Variants in TCF4 observed in about 807,000 individuals in gnomAD.
TCF4 encodes SL3-3 enhancer factor 2.
A neutral mutation model predicts 82.1 loss-of-function variants in TCF4; 3 were observed. The ratio of observed to expected loss-of-function variants is 0.04; its 90% CI spans 0.02 to 0.09. TCF4 has a LOEUF of 0.09. TCF4 is among the 10% of genes least tolerant of loss of function. TCF4 has a pLI of 1.00. For missense variants in TCF4, 518 were observed against 852.7 expected, an observed-to-expected ratio of 0.61 and a Z score of 4.89; for synonymous variants, 276 against 309.6, an observed-to-expected ratio of 0.89 and a Z score of 1.14.
At chr18:55,471,438 C>T (rs1360204745) in intron 3 of TCF4, among the ~76,000 whole-genome samples, 3 of 152,160 alleles carry the variant, frequency 2.0e-5, no homozygotes, top group Admixed American at 6.5e-5. Context: ...CGATGGCTCA[C>T]GCCTATAATC....
intron 8 of TCF4, among the ~76,000 whole-genome samples, chr18:55,307,576 G>A (rs752303264): frequency 4.6e-5 from 7 of 152,032 alleles, no homozygotes; most frequent in South Asian, 2.1e-4. Flanking sequence ...TCATTCTGCC[G>A]GTACTCATTA....
intron 6 of TCF4, among the ~76,000 whole-genome samples, chr18:55,384,618 C>A (rs1287681549): frequency 6.6e-6 from 1 of 152,124 alleles, no homozygotes; most frequent in Non-Finnish European, 1.5e-5. Context: ...AGAAGACAAC[C>A]CATTAGATGC....
chr18:55,435,618 T>C (rs2095312796), intron 5 of TCF4, among the ~76,000 whole-genome samples: 1 of 152,208 alleles, frequency 6.6e-6, no homozygotes, highest in Admixed American at 6.5e-5. Context: ...ATGTAGAGCC[T>C]ACTCCTCATA....
At chr18:55,467,729 G>C (rs1157326828) in intron 3 of TCF4, among the ~76,000 whole-genome samples, 1 of 152,132 alleles carries the variant, frequency 6.6e-6, no homozygotes, top group Non-Finnish European at 1.5e-5. Flanking sequence ...CCTTACTCCT[G>C]CTAGGGTACC....
intron 6 of TCF4, among the ~76,000 whole-genome samples, chr18:55,372,075 T>C (rs2089389552): frequency 6.6e-6 from 1 of 152,014 alleles, no homozygotes; most frequent in Non-Finnish European, 1.5e-5. Context: ...TATAAAGGGG[T>C]TGGCTTGGGA....
intron 6 of TCF4, among the ~76,000 whole-genome samples, chr18:55,380,039 C>T (rs1325846839): frequency 6.6e-6 from 1 of 152,036 alleles, no homozygotes; most frequent in Non-Finnish European, 1.5e-5. Flanking sequence ...CCACATCTGG[C>T]TAATTTTGTT....
At chr18:55,392,319 G>A (rs2093185153) in intron 6 of TCF4, among the ~76,000 whole-genome samples, 2 of 151,764 alleles carry the variant, frequency 1.3e-5, no homozygotes, top group Non-Finnish European at 2.9e-5. Flanking sequence ...CTGACTGGTT[G>A]TCAATACTGC....
intron 14 of TCF4, among the ~76,000 whole-genome samples, chr18:55,256,178 C>G (rs1017741907): frequency 6.6e-6 from 1 of 152,132 alleles, no homozygotes; most frequent in Non-Finnish European, 1.5e-5. Context: ...TCACAGCTTC[C>G]TGGTAGAGAC....
Position 55,224,019 on chromosome 18 carries a change from A to G in TCF4, c.*4016T>C, listed in dbSNP as rs1399226525. 6.6e-6 allele frequency: 1 copy of G among 151,438 alleles called. No homozygotes were observed. The highest frequency in any genetic ancestry group is 1.5e-5 in the Non-Finnish European group (1 of 67,874). 9.4% of individuals were successfully genotyped at this position (151,438 alleles called of 1,614,324 possible). A position where few individuals can be genotyped will look rare whatever the true frequency, so the allele number is the denominator to read the frequency against. ...TATAAAAGGATTGCTCCTGCGAAAA[A>G]TAAGCCAAATATATTTTTTATTTTT... is the stretch of plus-strand genomic sequence containing the variant. On this transcript the variant is annotated 3_prime_UTR_variant, in exon 20 of 20. Coordinates refer to ENST00000354452, the MANE Select transcript of TCF4 (RefSeq NM_001083962.2).
chr18:55,621,859 ATT>A (rs2097720787), intron 2 of TCF4, among the ~76,000 whole-genome samples: 1 of 104,590 alleles, frequency 9.6e-6, no homozygotes, highest in South Asian at 2.7e-4. Context: ...TATGTATTAT[ATT>A]ATATATACAC....
At chr18:55,386,534 T>C (rs1410934324) in intron 6 of TCF4, among the ~76,000 whole-genome samples, 1 of 152,222 alleles carries the variant, frequency 6.6e-6, no homozygotes, top group African/African-American at 2.4e-5. Context: ...TCTCATCAAG[T>C]ACTAGTTTAT....
intron 6 of TCF4, among the ~76,000 whole-genome samples, chr18:55,389,438 C>T (rs978269257): frequency 6.6e-6 from 1 of 152,098 alleles, no homozygotes; most frequent in Non-Finnish European, 1.5e-5. Flanking sequence ...TTCCTGAGCA[C>T]AGAAGAGAGG....
intron 3 of TCF4, among the ~76,000 whole-genome samples, chr18:55,556,490 T>A (rs959027369): frequency 2.6e-5 from 4 of 152,210 alleles, no homozygotes; most frequent in African/African-American, 7.2e-5. Context: ...GTTTCATGAT[T>A]TAAAGACTGT....
Position 55,403,481 on chromosome 18 carries a change from T to G in TCF4, c.342A>C (p.Arg114Ser). ...GGTGGCAACCCTGTAAGTTTGATTC[T>G]CTCCCATAAGATGAGTATGAGCCCC... is the stretch of plus-strand genomic sequence containing the variant. ...TERGSYSSYG[R>S]ESNLQGCHQQ... The change falls in exon 6 of 20, where the codon AGA becomes AGC. Residue 114 changes from arginine to serine, a missense_variant. Transcript: ENST00000354452. 6.2e-7 allele frequency: 1 copy of G among 1,613,820 alleles called. No homozygotes were observed. The highest frequency in any genetic ancestry group is 8.5e-7 in the Non-Finnish European group (1 of 1,179,828).
chr18:55,329,885 A>C (rs2147730179), intron 8 of TCF4, among the ~76,000 whole-genome samples: 1 of 152,364 alleles, frequency 6.6e-6, no homozygotes, highest in Admixed American at 6.5e-5. Flanking sequence ...AACATAAAAC[A>C]ACTTTAGCAT....
chr18:55,299,339 G>C (rs1568821983), intron 8 of TCF4, among the ~76,000 whole-genome samples: 1 of 152,072 alleles, frequency 6.6e-6, no homozygotes, highest in Non-Finnish European at 1.5e-5. Flanking sequence ...TTGAACCTGG[G>C]AGGTGGAGGT....
chr18:55,233,922 C>T (rs1481337265), intron 16 of TCF4, among the ~76,000 whole-genome samples: 1 of 151,736 alleles, frequency 6.6e-6, no homozygotes, highest in Non-Finnish European at 1.5e-5. Context: ...TGTTGAACAG[C>T]TGAAAAAATG....
At chr18:55,284,538 C>T (rs555655082) in intron 8 of TCF4, 7 of 152,304 alleles carry the variant, frequency 4.6e-5, no homozygotes, top group African/African-American at 1.7e-4. Context: ...AGAAAAGTGG[C>T]TTCATATCAC....
intron 3 of TCF4, among the ~76,000 whole-genome samples, chr18:55,485,182 G>A (rs2096496482): frequency 6.6e-6 from 1 of 152,192 alleles, no homozygotes; most frequent in Non-Finnish European, 1.5e-5. Flanking sequence ...TCATTCCTAG[G>A]ATGAAGGCAG....
Sources: allele counts gnomAD v4.1 joint callset (sites outside exome capture counted in the v4.1 genomes callset), GRCh38; gene constraint gnomAD v4.1.1; transcripts MANE v1.5; gene names NCBI Gene and HGNC (gene_info 2026-07-23, HGNC 2026-07-21).